The following SSC5D variants were observed in gnomAD, a reference collection of about 807,000 sequenced individuals.
The protein encoded by SSC5D is soluble scavenger receptor cysteine-rich domain-containing protein SSC5D.
In SSC5D, 106 loss-of-function variants were observed where a neutral mutation model predicts 104.6. That is an observed-to-expected ratio of 1.01 (90% confidence interval 0.87 to 1.19). The LOEUF (loss-of-function observed/expected upper bound fraction) is 1.19, where lower values mean the gene tolerates loss of function less well. Ranked by LOEUF, SSC5D falls within the 50% of genes most tolerant of loss-of-function variation. The pLI is 0.00. For synonymous variants in SSC5D, 860 were observed against 883.5 expected, an observed-to-expected ratio of 0.97 and a Z score of 0.47; for missense variants, 1,993 against 2,153.8, an observed-to-expected ratio of 0.93 and a Z score of 1.48.
rs183688069 is a variant in SSC5D at position 55,515,079 on chromosome 19, T to A, written c.2947+1907T>A. On this transcript the variant is annotated intron_variant, in intron 13 of 13. Coordinates refer to ENST00000389623, the MANE Select transcript of SSC5D (RefSeq NM_001144950.2). ...CCCTGCAGGAACAAGTGGAAATCTG[T>A]AGATCTGTGTGGTTCAATACGGTAG... Among the ~76,000 whole-genome samples the A allele has an allele frequency of 4.6e-5, 7 of 152,274 alleles. No individual in the cohort carries two copies. In the East Asian group the frequency reaches 1.4e-3, roughly 29 times the overall value.
chr19:55,505,316 A>T (rs1389196565), intron 12 of SSC5D, among the ~76,000 whole-genome samples: 2 of 151,790 alleles, frequency 1.3e-5, no homozygotes, highest in Non-Finnish European at 2.9e-5. Flanking sequence ...ACAAGGAGAA[A>T]TGAATTCTCA....
At chr19:55,517,203 C>T (rs1190417665) in intron 13 of SSC5D, 21 bp from the exon 14 acceptor site, 3 of 1,529,078 alleles carry the variant, frequency 2.0e-6, no homozygotes, top group African/African-American at 2.7e-5. Context: ...GACCGTCCGT[C>T]TGTCTTTCCT....
chr19:55,502,877 G>A lies in SSC5D; in HGVS notation c.2785+1676G>A, dbSNP rs10414232. Among the ~76,000 whole-genome samples the A allele has an allele frequency of 7.3e-3, 1,109 of 151,628 alleles. 14 individuals are homozygous for A. The highest frequency in any genetic ancestry group is 0.026 in the African/African-American group (1,057 of 41,242). ...GTTGCCCAGGCTGGAGTGCAGTGGC[G>A]TGGTCTCGGCTCACTGCAACCTCCA... On this transcript the variant is annotated intron_variant, in intron 12 of 13. Transcript: ENST00000389623.
At position 55,501,115 on chromosome 19, in the gene SSC5D, C is replaced by A; in HGVS notation, c.2699C>A (p.Ala900Glu). 1 of 1,551,634 alleles carries A rather than the reference C, an allele frequency of 6.4e-7. No individual in the cohort carries two copies. Residue 900 changes from alanine (A) to glutamate (E), a missense_variant, in exon 12 of 14, where the codon GCG becomes GAG. Ala to Glu is a moderately radical substitution (Grantham distance 107, BLOSUM62 -1). Around this residue, in one of 6 missense-constraint regions of SSC5D, gnomAD observed 423 missense variants for 409.2 expected, o/e 1.03. Transcript: ENST00000389623. ...GACCTGGCCAAGGGGACTACCACAGCGGGGGTACCTGGACACACTCTCCCC... is the reference window on the plus strand; with the variant it reads ...GACCTGGCCAAGGGGACTACCACAGAGGGGGTACCTGGACACACTCTCCCC... ...REDLAKGTTT[A>E]GVPGHTLPWR...
In SSC5D at chr19:55,517,667, C is replaced by T. The variant is rs1374828265; in HGVS notation, c.3391C>T (p.Pro1131Ser). ...CACAACCCCAGATTTGGACACAACTCCATACTCCAGTACAGTCTCAGAATA... is the reference window on the plus strand; with the variant it reads ...CACAACCCCAGATTTGGACACAACTTCATACTCCAGTACAGTCTCAGAATA... ...SDTTPDLDTT[P>S]YSSTVSEYSR... Residue 1131 changes from proline to serine, a missense_variant, in exon 14 of 14, where the codon CCA becomes TCA. Coordinates refer to ENST00000389623, the MANE Select transcript of SSC5D (RefSeq NM_001144950.2). The T allele has an allele frequency of 1.9e-6, 3 of 1,551,684 alleles. No homozygotes were observed. The highest frequency in any genetic ancestry group is 1.7e-6 in the Non-Finnish European group (2 of 1,147,022).
At chr19:55,512,661 T>C (rs1057325289) in intron 12 of SSC5D, among the ~76,000 whole-genome samples, 1 of 152,010 alleles carries the variant, frequency 6.6e-6, no homozygotes, top group Non-Finnish European at 1.5e-5. Flanking sequence ...TTTTGTATAT[T>C]TAGTGCAGAT....
chr19:55,500,558 G>A lies in SSC5D; in HGVS notation c.2371G>A (p.Gly791Arg), dbSNP rs567244075. The change falls in exon 11 of 14, where the codon GGA becomes AGA. Residue 791 changes from glycine (G) to arginine (R), a missense_variant. Around this residue, in one of 6 missense-constraint regions of SSC5D, gnomAD observed 70 missense variants for 107.1 expected, o/e 0.65. Transcript: ENST00000389623. This position sits in a 1 kb window ranked among gnomAD's most constrained non-coding sequence, Gnocchi z 4.6. ...CAGRLEVWHA[G>R]RWGTVCDDNW... is the part of the protein sequence containing the mutation. ...TGGCCGGCTGGAAGTGTGGCATGCC[G>A]GACGCTGGGGAACAGTGTGTGATGA... is the stretch of plus-strand genomic sequence containing the variant. 1.3e-5 allele frequency: 20 copies of A among 1,551,718 alleles called. No individual in the cohort carries two copies. The highest frequency in any genetic ancestry group is 1.7e-4 in the Middle Eastern group (1 of 5,992).
At position 55,494,748 on chromosome 19, in the gene SSC5D, C is replaced by A. The variant is rs772654239; in HGVS notation, c.1352C>A (p.Ser451Tyr). The stretch of plus-strand genomic sequence containing the variant: ...GCAGGCGTTTCACCTCCTCCAGCCT[C>A]CCCTACTGTCCTTTGGGAGCCTGGA... ...GTAGVSPPPASPTVLWEPGPE... is the reference protein window; with the variant it reads ...GTAGVSPPPAYPTVLWEPGPE... The change falls in exon 8 of 14, where the codon TCC (serine) becomes TAC (tyrosine). Residue 451 changes from serine (S) to tyrosine (Y), a missense_variant. Ser to Tyr is a moderately radical substitution (Grantham distance 144). This residue lies in a region of SSC5D where 1,101 missense variants were observed against 1,085.0 expected (regional missense o/e 1.01). Coordinates refer to ENST00000389623, the MANE Select transcript of SSC5D (RefSeq NM_001144950.2). 32 of 1,548,652 alleles carry A rather than the reference C, an allele frequency of 2.1e-5. No homozygotes were observed. The South Asian group carries it at 3.7e-4, about 18-fold the overall frequency.
At position 55,507,665 on chromosome 19, in the gene SSC5D, CAAAAAAA is replaced by C. The variant is rs61340967; in HGVS notation, c.2786-5329_2786-5323del. ...TGGGTGACAGAGCGAGACTCCGTCT[CAAAAAAA>C]AAAAAAAAAAAAAAAAGAAAAAAAG... On this transcript the variant is annotated intron_variant, in intron 12 of 13. Coordinates refer to ENST00000389623, the MANE Select transcript of SSC5D (RefSeq NM_001144950.2). Among the ~76,000 whole-genome samples the C allele has an allele frequency of 1.3e-3, 102 of 75,966 alleles. 1 individual carries two copies. Among genetic ancestry groups the C allele is most frequent in the African/African-American group, 5.2e-3 (86 of 16,684 alleles). 49.8% of individuals were successfully genotyped at this position (75,966 alleles called of 152,430 possible). A position where few individuals can be genotyped will look rare whatever the true frequency, so the allele number is the denominator to read the frequency against.
intron 8 of SSC5D, 102 bp downstream of exon 8, chr19:55,494,885 T>C: frequency 7.4e-7 from 1 of 1,351,356 alleles, no homozygotes; most frequent in South Asian, 1.6e-5. Flanking sequence ...AAGAGAAAGG[T>C]GGAGAAGAGG....
rs187837546 is a variant in SSC5D, at chr19:55,503,291, G to A, written c.2785+2090G>A. 6.6e-6 allele frequency among the ~76,000 whole-genome samples: 1 copy of A among 152,088 alleles called. No individual in the cohort carries two copies. Among genetic ancestry groups the A allele is most frequent in the East Asian group, 1.9e-4 (1 of 5,168 alleles). The stretch of plus-strand genomic sequence containing the variant: ...TCTTTCACTTTCAGTTCTCAGCTTC[G>A]CCACCTGCTTCTCACTCGATTTTTC... On this transcript the variant is annotated intron_variant, in intron 12 of 13. Coordinates refer to ENST00000389623, the MANE Select transcript of SSC5D (RefSeq NM_001144950.2). This position sits in a 1 kb window ranked among gnomAD's most constrained non-coding sequence, Gnocchi z 4.0.
intron 6 of SSC5D, chr19:55,491,312 T>C (rs1174576641): frequency 3.8e-5 from 21 of 550,718 alleles, no homozygotes; most frequent in Non-Finnish European, 5.3e-5. Flanking sequence ...TGCTCAGCCC[T>C]GTCCCGGGGC....
chr19:55,510,279 G>A (rs1047571259), intron 12 of SSC5D, among the ~76,000 whole-genome samples: 3 of 152,190 alleles, frequency 2.0e-5, no homozygotes, highest in East Asian at 1.9e-4. Context: ...GATTACAGGC[G>A]TGAGCCGCCG....
chr19:55,500,815 A>C lies in SSC5D; in HGVS notation c.2617+11A>C. ...GGCTCACCTGCACTGGTACCAGGGC[A>C]TGGCGGCGGTGGTGGGGTTGTCGGG... On this transcript the variant is annotated intron_variant, in intron 11 of 13. Transcript: ENST00000389623. This position sits in a 1 kb window ranked among gnomAD's most constrained non-coding sequence, Gnocchi z 4.6. 6.9e-7 allele frequency: 1 copy of C among 1,453,476 alleles called. No homozygotes were observed. Among genetic ancestry groups the C allele is most frequent in the East Asian group, 2.9e-5 (1 of 34,222 alleles). The allele number at this position is 1,453,476 out of a possible 1,614,324, so 90.0% of individuals were successfully genotyped here.
At chr19:55,512,613 C>G (rs1987783430) in intron 12 of SSC5D, among the ~76,000 whole-genome samples, 1 of 151,860 alleles carries the variant, frequency 6.6e-6, no homozygotes, top group Non-Finnish European at 1.5e-5. Flanking sequence ...TCCCGAGTAG[C>G]TGGGATTATA....
intron 12 of SSC5D, among the ~76,000 whole-genome samples, chr19:55,512,742 C>T (rs1204850577): frequency 6.6e-6 from 1 of 152,154 alleles, no homozygotes; most frequent in Non-Finnish European, 1.5e-5. Context: ...CTCAGCCTCC[C>T]AAAGTGCTGG....
chr19:55,497,696 A>G (rs899446648), intron 8 of SSC5D, among the ~76,000 whole-genome samples, 184 bp from the exon 9 acceptor site: 2 of 152,172 alleles, frequency 1.3e-5, no homozygotes, highest in African/African-American at 2.4e-5. Context: ...CTCATGCCTA[A>G]TGCAGAAAAT....
intron 13 of SSC5D, among the ~76,000 whole-genome samples, chr19:55,516,382 A>G (rs1987870897): frequency 6.6e-6 from 1 of 152,038 alleles, no homozygotes; most frequent in Admixed American, 6.6e-5. Context: ...CTGTAGTCCC[A>G]GCTACTCGGG....
rs1987072034 is a variant in SSC5D, at chr19:55,489,615, A to G, written c.314A>G (p.Lys105Arg). 1.3e-6 allele frequency: 2 copies of G among 1,531,268 alleles called. No homozygotes were observed. The highest frequency in any genetic ancestry group is 1.4e-5 in the African/African-American group (1 of 72,832). 94.9% of individuals were successfully genotyped at this position (1,531,268 alleles called of 1,614,324 possible). A position where few individuals can be genotyped will look rare whatever the true frequency, so the allele number is the denominator to read the frequency against. Residue 105 changes from lysine to arginine, a missense_variant, in exon 3 of 14, where the codon AAG becomes AGG. Transcript: ENST00000389623. Reference sequence around the variant, plus strand: ...GGCCTCTGCCACCACCGGGGCTGGAAGGCCCACATCTGCTCCCACGAGGAG... The same window carrying G: ...GGCCTCTGCCACCACCGGGGCTGGAGGGCCCACATCTGCTCCCACGAGGAG... ...QLGLCHHRGW[K>R]AHICSHEEDA...
Sources: allele counts gnomAD v4.1 joint callset (sites outside exome capture counted in the v4.1 genomes callset), GRCh38; gene constraint gnomAD v4.1.1; regional missense constraint gnomAD v4.1.1; non-coding constraint Gnocchi (gnomAD v3.1); transcripts MANE v1.5; gene names NCBI Gene and HGNC (gene_info 2026-07-23, HGNC 2026-07-21).